Variants in PMS2 observed in about 807,000 individuals in gnomAD.
PMS2 encodes the protein mismatch repair endonuclease PMS2.
PMS2 carries 69 observed loss-of-function variants against 90.0 expected under a neutral mutation model. The observed-to-expected ratio is 0.77, with a 90% CI of 0.63 to 0.94. The LOEUF is 0.94. Ranked by LOEUF, PMS2 falls within the 40% of genes least tolerant of loss-of-function variation. The pLI is 0.00. For missense variants in PMS2, 966 were observed against 1,040.2 expected (o/e 0.93, Z 0.98); for synonymous variants, 332 against 375.1 (o/e 0.89, Z 1.33).
intron 11 of PMS2, among the ~76,000 whole-genome samples, chr7:5,985,397 A>G (rs1272912456): frequency 6.7e-6 from 1 of 149,700 alleles, no homozygotes; most frequent in African/African-American, 2.5e-5. Context: ...GTGCACCACC[A>G]TGTTAGGCCT....
intron 10 of PMS2, among the ~76,000 whole-genome samples, chr7:5,988,690 T>A (rs1450717362): frequency 1.3e-5 from 2 of 152,240 alleles, no homozygotes; most frequent in Non-Finnish European, 2.9e-5. Flanking sequence ...GATATCTGAC[T>A]ATAATGGAAC....
intron 11 of PMS2, among the ~76,000 whole-genome samples, chr7:5,985,443 C>T (rs1782753504): frequency 1.3e-5 from 2 of 151,536 alleles, no homozygotes; most frequent in South Asian, 4.2e-4. Flanking sequence ...ATTACACAAA[C>T]TAGTAAAAGG....
At chr7:5,977,221 AT>A (rs1349719724) in intron 14 of PMS2, among the ~76,000 whole-genome samples, 1 of 146,782 alleles carries the variant, frequency 6.8e-6, no homozygotes, top group Non-Finnish European at 1.5e-5. Flanking sequence ...CGCCCGGCTA[AT>A]TTTTTTGTAT....
intron 8 of PMS2, among the ~76,000 whole-genome samples, chr7:5,993,209 C>G (rs1783956528): frequency 6.6e-6 from 1 of 151,340 alleles, no homozygotes; most frequent in African/African-American, 2.4e-5. Flanking sequence ...CATCTCTACT[C>G]AAATACAAAA....
intron 5 of PMS2, among the ~76,000 whole-genome samples, chr7:6,000,230 C>A (rs990484464): frequency 6.6e-6 from 1 of 151,708 alleles, no homozygotes; most frequent in South Asian, 2.1e-4. Context: ...AAAAATTAGC[C>A]GGGCATGGTA....
upstream of PMS2, chr7:6,009,070 T>G: frequency 6.2e-7 from 1 of 1,602,742 alleles, no homozygotes; most frequent in Non-Finnish European, 8.5e-7. Context: ...CCTCCAGGGC[T>G]CCCACAGGCG....
intron 5 of PMS2, among the ~76,000 whole-genome samples, chr7:6,000,694 A>G (rs181785851): frequency 2.6e-5 from 4 of 152,242 alleles, no homozygotes; most frequent in African/African-American, 4.8e-5. Context: ...AAAATGTAAT[A>G]AAGTTAAAAT....
At chr7:5,978,074 C>T (rs1164051861) in intron 13 of PMS2, among the ~76,000 whole-genome samples, 4 of 149,612 alleles carry the variant, frequency 2.7e-5, no homozygotes, top group Middle Eastern at 3.5e-3. Flanking sequence ...GAGCCGAGAT[C>T]GGCACCACTG....
rs1781962985 is a variant in PMS2, at chr7:5,978,553, G to A, written c.2275+43C>T. The A allele has an allele frequency of 5.9e-6, 9 of 1,520,876 alleles. No homozygotes were observed. Among genetic ancestry groups the A allele is most frequent in the South Asian group, 1.2e-5 (1 of 86,636 alleles). 94.2% of individuals were successfully genotyped at this position (1,520,876 alleles called of 1,614,324 possible). On this transcript the variant is annotated intron_variant, in intron 13 of 14. Transcript: ENST00000265849. ...CCCAGAGTGCTGGGATTACAGACGT[G>A]AGCCACCACACCCAGCCGCTATAGT...
At chr7:6,008,952 A>G (rs2128865154) in intron 1 of PMS2, 45 bp downstream of exon 1, 1 of 1,611,032 alleles carries the variant, frequency 6.2e-7, no homozygotes, top group Non-Finnish European at 8.5e-7. Context: ...GGTCTCAAAG[A>G]GGGCGCGCGA....
At chr7:6,005,640 C>T (rs1393061930) in intron 2 of PMS2, among the ~76,000 whole-genome samples, 3 of 152,204 alleles carry the variant, frequency 2.0e-5, no homozygotes, top group Non-Finnish European at 4.4e-5. Flanking sequence ...CCCAGCTGTT[C>T]TGCAAATTAA....
chr7:5,999,961 AC>A (rs1784912245), intron 5 of PMS2, among the ~76,000 whole-genome samples: 3 of 152,174 alleles, frequency 2.0e-5, no homozygotes, highest in African/African-American at 7.2e-5. Flanking sequence ...AACAGAAACA[AC>A]CTAAGCAAGC....
In PMS2 at chr7:5,998,376, G is replaced by A. The variant is rs570502284; in HGVS notation, c.705+732C>T. On this transcript the variant is annotated intron_variant, in intron 6 of 14. Coordinates refer to ENST00000265849, the MANE Select transcript of PMS2 (RefSeq NM_000535.7). ...ATTACAGACGTGAGCCACTGCGCCG[G>A]GCCTTGTGATAGGCACTTTAAAAAT... 2.5e-4 allele frequency among the ~76,000 whole-genome samples: 38 copies of A among 149,564 alleles called. No homozygotes were observed. In the East Asian group the frequency reaches 7.7e-3, roughly 30 times the overall value.
rs63751211 is a variant in PMS2 at position 5,987,048 on chromosome 7, T to A, written c.1717A>T (p.Thr573Ser). 118 of 1,614,148 alleles carry A rather than the reference T, an allele frequency of 7.3e-5. No individual in the cohort carries two copies. Among genetic ancestry groups the A allele is most frequent in the Middle Eastern group, 4.9e-4 (3 of 6,062 alleles). ...RVLPQPTNLA[T>S]PNTKRFKKEE... is the part of the protein sequence containing the mutation. ...TTTTTAAAACGCTTTGTGTTTGGGG[T>A]TGCGAGATTAGTTGGCTGAGGCAAA... The change falls in exon 11 of 15, where the codon ACC becomes TCC. Residue 573 changes from threonine (T) to serine (S), a missense_variant. Thr to Ser is a moderately conservative substitution (Grantham distance 58). This residue lies in a region of PMS2 where 871 missense variants were observed against 802.4 expected (regional missense o/e 1.09). Transcript: ENST00000265849.
chr7:5,996,590 A>ATATATATAT (rs1554301107), intron 7 of PMS2, among the ~76,000 whole-genome samples: 1 of 110,200 alleles, frequency 9.1e-6, no homozygotes, highest in African/African-American at 3.8e-5. Flanking sequence ...AAAAAAAAAA[A>ATATATATAT]ATATATATAT....
chr7:5,987,561 G>T lies in PMS2; in HGVS notation c.1204C>A (p.Gln402Lys), dbSNP rs587782789. ...TCTCCAGTCCTTAATGAAGGGGATT[G>T]ATCCTGCTTTTCTACCATGGGCTTT... The part of the protein sequence containing the change: ...LEKPMVEKQD[Q>K]SPSLRTGEEK... Residue 402 changes from glutamine (Q) to lysine (K), a missense_variant, in exon 11 of 15, where the codon CAA becomes AAA. Around this residue, in one of 2 missense-constraint regions of PMS2, gnomAD observed 871 missense variants for 802.4 expected, o/e 1.09. Transcript: ENST00000265849. 3 of 1,613,350 alleles carry T rather than the reference G, an allele frequency of 1.9e-6. No individual in the cohort carries two copies. Among genetic ancestry groups the T allele is most frequent in the Admixed American group, 3.3e-5 (2 of 59,992 alleles).
rs374762935 is a variant in PMS2, at chr7:5,972,824, G to GT, written c.*574dup. Among the ~76,000 whole-genome samples the GT allele has an allele frequency of 5.1e-3, 352 of 68,660 alleles. 88 individuals carry two copies. Among genetic ancestry groups the GT allele is most frequent in the Admixed American group, 6.6e-3 (50 of 7,594 alleles). 45.0% of individuals were successfully genotyped at this position (68,660 alleles called of 152,430 possible). A position where few individuals can be genotyped will look rare whatever the true frequency, so the allele number is the denominator to read the frequency against. Reference sequence around the variant, plus strand: ...CCTGAGTAACTTCCAAAGTGGTTTGGTTTTTTTTTTTTTGTTTTGTTTTGT... The same window carrying GT: ...CCTGAGTAACTTCCAAAGTGGTTTGGTTTTTTTTTTTTTTGTTTTGTTTTGT... On this transcript the variant is annotated 3_prime_UTR_variant, in exon 15 of 15. Transcript: ENST00000265849.
chr7:5,999,393 A>G (rs1784849632), intron 5 of PMS2, 118 bp from the exon 6 acceptor site: 1 of 892,256 alleles, frequency 1.1e-6, no homozygotes, highest in African/African-American at 1.7e-5. Flanking sequence ...CAAGGGAAGC[A>G]CTGTTGACAG....
At position 6,009,033 on chromosome 7, in the gene PMS2, G is replaced by T. The variant is rs757845032; in HGVS notation, c.-14C>A. The T allele has an allele frequency of 1.2e-6, 2 of 1,612,404 alleles. No individual in the cohort carries two copies. Among genetic ancestry groups the T allele is most frequent in the East Asian group, 4.5e-5 (2 of 44,874 alleles). On this transcript the variant is annotated 5_prime_UTR_variant, in exon 1 of 15. Transcript: ENST00000265849. ...AGCTCGCTCCATGGATGCAACACCC[G>T]ATCCGCCTCGGGGACTGGGAAAGTT...
Sources: gnomAD v4.1 joint callset for allele counts (sites outside exome capture counted in the v4.1 genomes callset) on GRCh38, gnomAD v4.1.1 for gene constraint, gnomAD v4.1.1 regional missense constraint, MANE v1.5 for transcripts, NCBI Gene and HGNC (gene_info 2026-07-23, HGNC 2026-07-21) for gene names.